The following FUBP3 variants were observed in gnomAD, a reference collection of about 807,000 sequenced individuals.
The protein encoded by FUBP3 is far upstream element-binding protein 3.
In FUBP3, 28 loss-of-function variants were observed where a neutral mutation model predicts 85.6. The observed-to-expected ratio is 0.33, with a 90% CI of 0.24 to 0.45. The LOEUF (loss-of-function observed/expected upper bound fraction) is 0.45, where lower values mean the gene tolerates loss of function less well. FUBP3 is among the 20% of genes least tolerant of loss of function. The pLI is 1.00. For missense variants in FUBP3, 583 were observed against 755.1 expected, an observed-to-expected ratio of 0.77 and a Z score of 2.67; for synonymous variants, 271 against 271.4, an observed-to-expected ratio of 1.00 and a Z score of 0.01.
At chr9:130,585,455 TGCCTGTAA>T (rs1830302154) in intron 1 of FUBP3, among the ~76,000 whole-genome samples, 1 of 152,238 alleles carries the variant, frequency 6.6e-6, no homozygotes, top group African/African-American at 2.4e-5. Flanking sequence ...AGGTCTGAGT[TGCCTGTAA>T]GCCGATGCAT....
Position 130,632,006 on chromosome 9 carries a change from C to G in FUBP3, c.1417C>G (p.His473Asp). ...NMAAKVNGNP[H>D]STPVSGPPAF... ...GGCTGCCAAGGTGAATGGGAACCCC[C>G]ACAGCACCCCTGTGAGGTAGGTGAC... The change falls in exon 15 of 19, where the codon CAC (histidine) becomes GAC (aspartate). Residue 473 changes from histidine to aspartate, a missense_variant. His to Asp is a moderately conservative substitution (Grantham distance 81, BLOSUM62 -1). Around this residue, in one of 3 missense-constraint regions of FUBP3, gnomAD observed 404 missense variants for 516.8 expected, o/e 0.78. Coordinates refer to ENST00000319725, the MANE Select transcript of FUBP3 (RefSeq NM_003934.2). The G allele has an allele frequency of 6.2e-7, 1 of 1,612,288 alleles. No individual in the cohort carries two copies. The highest frequency in any genetic ancestry group is 8.5e-7 in the Non-Finnish European group (1 of 1,178,290).
chr9:130,622,914 T>C, intron 10 of FUBP3, 104 bp downstream of exon 10: 2 of 513,150 alleles, frequency 3.9e-6, no homozygotes, highest in Non-Finnish European at 6.9e-6. Flanking sequence ...TGGCTATTGG[T>C]TCATGTGTAT....
intron 1 of FUBP3, 72 bp from the exon 2 acceptor site, chr9:130,595,411 G>A (rs1055716969): frequency 3.1e-5 from 25 of 818,268 alleles, no homozygotes; most frequent in Non-Finnish European, 5.3e-5. Flanking sequence ...CCTTTAAAGA[G>A]GACACTTGTC....
At chr9:130,606,886 T>C (rs1588137405) in intron 2 of FUBP3, among the ~76,000 whole-genome samples, 1 of 148,810 alleles carries the variant, frequency 6.7e-6, no homozygotes, top group East Asian at 2.1e-4. Flanking sequence ...TTTTGTTTCT[T>C]TTGGAGGAGA....
At position 130,626,402 on chromosome 9, in the gene FUBP3, A is replaced by G. The variant is rs1588159201; in HGVS notation, c.1014A>G (p.Gly338=). The G allele has an allele frequency of 6.2e-7, 1 of 1,613,892 alleles. No individual in the cohort carries two copies. Among genetic ancestry groups the G allele is most frequent in the South Asian group, 1.1e-5 (1 of 91,048 alleles). Residue 338 remains glycine, a synonymous_variant, in exon 12 of 19, where the codon GGA becomes GGG. Transcript: ENST00000319725. The stretch of plus-strand genomic sequence containing the variant: ...TTGGAGGCCTGGCAGCAGCCAGAGG[A>G]AGAGGTCGTGGCCGTGGCGACTGGA... ...DGFGGLAAAR[G]RGRGRGDWSV...
chr9:130,597,469 G>A (rs769694774), intron 2 of FUBP3, among the ~76,000 whole-genome samples: 11 of 152,342 alleles, frequency 7.2e-5, no homozygotes, highest in Admixed American at 1.3e-4. Flanking sequence ...AAATGTGCCA[G>A]AATTCCGGCC....
Position 130,596,345 on chromosome 9 carries a change from C to G in FUBP3, c.190+757C>G, listed in dbSNP as rs535690025. Among the ~76,000 whole-genome samples, 5 of 152,084 alleles carry G rather than the reference C, an allele frequency of 3.3e-5. No homozygotes were observed. The South Asian group carries it at 1.0e-3, about 32-fold the overall frequency. On this transcript the variant is annotated intron_variant, in intron 2 of 18. Transcript: ENST00000319725. ...TGTGTTCTTTTTCTGTCGCTATGTA[C>G]CCAATCATTTATGTTTGTACATATT...
intron 2 of FUBP3, among the ~76,000 whole-genome samples, chr9:130,607,719 G>A (rs1831530731): frequency 6.6e-6 from 1 of 152,166 alleles, no homozygotes; most frequent in Non-Finnish European, 1.5e-5. Flanking sequence ...GCAGCAAATG[G>A]GAATGTTCCG....
chr9:130,626,184 C>T, intron 11 of FUBP3, 180 bp from the exon 12 acceptor site: 1 of 624,226 alleles, frequency 1.6e-6, no homozygotes, highest in Non-Finnish European at 2.8e-6. Flanking sequence ...CCCAGATACA[C>T]CTGTGATCGG....
rs1832083566 is a variant in FUBP3 at position 130,617,791 on chromosome 9, C to G, written c.568-6C>G. 6.4e-7 allele frequency: 1 copy of G among 1,556,026 alleles called. No homozygotes were observed. Among genetic ancestry groups the G allele is most frequent in the East Asian group, 2.2e-5 (1 of 44,608 alleles). ...ATGAGGCTGTGCTGGTGTGTGTTCC[C>G]CACAGGAGCGGACAGGGGTGAAGAT... On this transcript the variant is annotated splice_region_variant and splice_polypyrimidine_tract_variant and intron_variant, in intron 7 of 18. Transcript: ENST00000319725.
chr9:130,580,279 G>T (rs1830079096), intron 1 of FUBP3, among the ~76,000 whole-genome samples: 1 of 152,224 alleles, frequency 6.6e-6, no homozygotes, highest in Non-Finnish European at 1.5e-5. Context: ...ATGTGTGGGG[G>T]TGGTCCCCAA....
Position 130,617,905 on chromosome 9 carries a change from T to A in FUBP3, c.666+10T>A, listed in dbSNP as rs780964931. On this transcript the variant is annotated intron_variant, in intron 8 of 18. Coordinates refer to ENST00000319725, the MANE Select transcript of FUBP3 (RefSeq NM_003934.2). ...TGCATTTAAAGTACAGGTAGGAAAG[T>A]GCCATGGGTTGGGTGAGTCCTGGCT... is the stretch of plus-strand genomic sequence containing the variant. 7.0e-7 allele frequency: 1 copy of A among 1,420,694 alleles called. No individual in the cohort carries two copies. The highest frequency in any genetic ancestry group is 1.7e-5 in the Admixed American group (1 of 58,844). The allele number at this position is 1,420,694 out of a possible 1,614,324, so 88.0% of individuals were successfully genotyped here. A position where few individuals can be genotyped will look rare whatever the true frequency, so the allele number is the denominator to read the frequency against.
chr9:130,630,888 T>C, intron 13 of FUBP3, 100 bp downstream of exon 13: 3 of 939,202 alleles, frequency 3.2e-6, no homozygotes, highest in Non-Finnish European at 4.5e-6. Context: ...TGCTTGTGCC[T>C]GTGGGTTCTC....
intron 6 of FUBP3, among the ~76,000 whole-genome samples, chr9:130,615,666 A>T (rs988618601): frequency 6.6e-6 from 1 of 152,188 alleles, no homozygotes; most frequent in African/African-American, 2.4e-5. Flanking sequence ...CAAGAAACCA[A>T]CACAAATAGC....
chr9:130,617,756 T>C (rs780649836), intron 7 of FUBP3, 41 bp from the exon 8 acceptor site: 9 of 1,197,682 alleles, frequency 7.5e-6, no homozygotes, highest in Admixed American at 5.0e-5. Flanking sequence ...TTTCATGCCC[T>C]GCATTATTCA....
intron 6 of FUBP3, among the ~76,000 whole-genome samples, chr9:130,615,815 T>C: frequency 6.8e-6 from 1 of 147,698 alleles, no homozygotes; most frequent in Non-Finnish European, 1.5e-5. Flanking sequence ...AGCCTTAGCT[T>C]AAAAGTCATA....
chr9:130,605,527 C>T (rs1446942358), intron 2 of FUBP3, among the ~76,000 whole-genome samples: 1 of 152,244 alleles, frequency 6.6e-6, no homozygotes, highest in Non-Finnish European at 1.5e-5. Flanking sequence ...ATCGCACCTT[C>T]CTCTTCAGTA....
chr9:130,621,201 G>C (rs1829731615), intron 9 of FUBP3, among the ~76,000 whole-genome samples: 1 of 152,178 alleles, frequency 6.6e-6, no homozygotes, highest in South Asian at 2.1e-4. Flanking sequence ...AGAACCGCTA[G>C]GGCTATGCAT....
rs776114225 is a variant in FUBP3, at chr9:130,620,436, G to A, written c.749G>A (p.Arg250Gln). The part of the protein sequence containing the change: ...FRGVRGDFNS[R>Q]MGGGSIEVSV... ...GGTGTACGCGGCGATTTCAACTCTC[G>A]AATGGGAGGAGGCAGTATAGAGGTA... Residue 250 changes from arginine to glutamine, a missense_variant, in exon 9 of 19, where the codon CGA (arginine) becomes CAA (glutamine). Arg to Gln is a conservative substitution (Grantham distance 43). Coordinates refer to ENST00000319725, the MANE Select transcript of FUBP3 (RefSeq NM_003934.2). 12 of 1,593,190 alleles carry A rather than the reference G, an allele frequency of 7.5e-6. No homozygotes were observed. Among genetic ancestry groups the A allele is most frequent in the South Asian group, 2.2e-5 (2 of 89,190 alleles).
Sources: allele counts gnomAD v4.1 joint callset (sites outside exome capture counted in the v4.1 genomes callset), GRCh38; gene constraint gnomAD v4.1.1; regional missense constraint gnomAD v4.1.1; transcripts MANE v1.5; gene names NCBI Gene and HGNC (gene_info 2026-07-23, HGNC 2026-07-21).